KLHL6: variants seen among roughly 807,000 people sequenced by gnomAD.
KLHL6 encodes kelch-like protein 6.
A neutral mutation model predicts 58.6 loss-of-function variants in KLHL6; 41 were observed. That is an observed-to-expected ratio of 0.70 (90% CI 0.55 to 0.91). The LOEUF is 0.91. Ranked by LOEUF, KLHL6 falls within the 40% of genes least tolerant of loss-of-function variation. KLHL6 has a pLI of 0.00. For synonymous variants in KLHL6, 338 were observed against 322.7 expected, an observed-to-expected ratio of 1.05 and a Z score of -0.51; for missense variants, 714 against 805.6, an observed-to-expected ratio of 0.89 and a Z score of 1.38.
intron 3 of KLHL6, among the ~76,000 whole-genome samples, chr3:183,507,309 A>C (rs1423880327): frequency 6.6e-6 from 1 of 152,228 alleles, no homozygotes; most frequent in Non-Finnish European, 1.5e-5. Context: ...TCTAAATCAA[A>C]GTGATGTCAG....
intron 4 of KLHL6, among the ~76,000 whole-genome samples, chr3:183,495,414 GT>G (rs1717687974): frequency 6.6e-6 from 1 of 151,954 alleles, no homozygotes; most frequent in South Asian, 2.1e-4. Context: ...TGAATCTTTT[GT>G]TCATATAGTT....
intron 4 of KLHL6, among the ~76,000 whole-genome samples, chr3:183,497,722 CT>C (rs1717753965): frequency 6.6e-6 from 1 of 152,202 alleles, no homozygotes; most frequent in Non-Finnish European, 1.5e-5. Flanking sequence ...TGGCAGGCCC[CT>C]AGGCCCCTGA....
intron 1 of KLHL6, among the ~76,000 whole-genome samples, chr3:183,534,132 G>GTACTTTACTTTTAAAGTACTTTA (rs748791340): frequency 6.2e-5 from 1 of 16,064 alleles, no homozygotes; most frequent in South Asian, 2.3e-3. Flanking sequence ...AAAGTACTTT[G>GTACTTTACTTTTAAAGTACTTTA]TACTTTTAAA....
At chr3:183,511,413 C>T (rs1440011372) in intron 2 of KLHL6, among the ~76,000 whole-genome samples, 1 of 152,154 alleles carries the variant, frequency 6.6e-6, no homozygotes, top group Non-Finnish European at 1.5e-5. Flanking sequence ...CATTCAGTTC[C>T]CAGGGGCAGG....
chr3:183,535,410 A>G (rs1407500083), intron 1 of KLHL6, among the ~76,000 whole-genome samples: 1 of 152,216 alleles, frequency 6.6e-6, no homozygotes, highest in Non-Finnish European at 1.5e-5. Context: ...CAGGAGGCAA[A>G]GCAAATTTCA....
In KLHL6 at chr3:183,508,292, C is replaced by T; in HGVS notation, c.676G>A (p.Asp226Asn). The change falls in exon 3 of 7, where the codon GAC becomes AAC. Residue 226 changes from aspartate (D) to asparagine (N), a missense_variant. Physicochemically the swap from Asp to Asn is conservative, Grantham distance 23 (BLOSUM62 1). Coordinates refer to ENST00000341319, the MANE Select transcript of KLHL6 (RefSeq NM_130446.4). ...DTLHHILKSD[D>N]LYVTEEAQVF... is the part of the protein sequence containing the mutation. ...TGAGCCTCCTCGGTCACGTAAAGGT[C>T]ATCACTCTTCAAGATGTGGTGCAGA... is the stretch of plus-strand genomic sequence containing the variant. 1.2e-6 allele frequency: 2 copies of T among 1,614,234 alleles called. No homozygotes were observed. The highest frequency in any genetic ancestry group is 1.7e-6 in the Non-Finnish European group (2 of 1,180,046).
Position 183,491,552 on chromosome 3 carries a change from G to A in KLHL6, c.*375C>T, listed in dbSNP as rs1473673786. 1 of 189,194 alleles carries A rather than the reference G, an allele frequency of 5.3e-6. No homozygotes were observed. The highest frequency in any genetic ancestry group is 1.1e-5 in the Non-Finnish European group (1 of 93,032). The allele number at this position is 189,194 out of a possible 1,614,324, so 11.7% of individuals were successfully genotyped here. ...AGCTACTTGCTATCTGAGTGATCAG[G>A]GGCACGCCACTTAGCCTCTGTGAAA... On this transcript the variant is annotated 3_prime_UTR_variant, in exon 7 of 7. Transcript: ENST00000341319.
At position 183,528,019 on chromosome 3, in the gene KLHL6, G is replaced by A. The variant is rs771422353; in HGVS notation, c.294-9C>T. On this transcript the variant is annotated splice_polypyrimidine_tract_variant and intron_variant, in intron 1 of 6. Transcript: ENST00000341319. ...CGTTGCAGAACATGGCCCTGGAAGA[G>A]AAATGTGTGAATGTGAATCGTGCCG... is the stretch of plus-strand genomic sequence containing the variant. The A allele has an allele frequency of 1.9e-6, 3 of 1,614,028 alleles. No homozygotes were observed. The highest frequency in any genetic ancestry group is 1.7e-5 in the Admixed American group (1 of 60,000).
chr3:183,493,210 G>A (rs186241338), intron 5 of KLHL6: 83 of 172,412 alleles, frequency 4.8e-4, no homozygotes, highest in Middle Eastern at 2.7e-3. Flanking sequence ...TAAGTCAGAC[G>A]TGTGCTTCTA....
At chr3:183,526,864 T>C (rs969197871) in intron 2 of KLHL6, among the ~76,000 whole-genome samples, 5 of 152,124 alleles carry the variant, frequency 3.3e-5, no homozygotes, top group Non-Finnish European at 5.9e-5. Flanking sequence ...TTTGGGAGGC[T>C]GAGGCAGATG....
chr3:183,554,439 A>C (rs1457795315), intron 1 of KLHL6, among the ~76,000 whole-genome samples: 2 of 152,236 alleles, frequency 1.3e-5, no homozygotes, highest in African/African-American at 4.8e-5. Context: ...ATGATGAAAC[A>C]GACATTCAGA....
intron 2 of KLHL6, among the ~76,000 whole-genome samples, chr3:183,524,995 G>T (rs1488906297): frequency 6.6e-6 from 1 of 152,170 alleles, no homozygotes; most frequent in Non-Finnish European, 1.5e-5. Flanking sequence ...GCTGGGCATG[G>T]TGGTTCACAC....
intron 1 of KLHL6, among the ~76,000 whole-genome samples, chr3:183,545,164 A>G (rs548776059): frequency 1.7e-4 from 26 of 152,266 alleles, no homozygotes; most frequent in African/African-American, 6.3e-4. Flanking sequence ...CTATGATTTG[A>G]TAATGTGACC....
At chr3:183,518,217 A>G (rs1456087161) in intron 2 of KLHL6, among the ~76,000 whole-genome samples, 1 of 152,146 alleles carries the variant, frequency 6.6e-6, no homozygotes, top group Non-Finnish European at 1.5e-5. Flanking sequence ...TTCCACCCAT[A>G]GCTCCACCAC....
chr3:183,496,501 G>A (rs1417804359), intron 4 of KLHL6, among the ~76,000 whole-genome samples: 1 of 152,068 alleles, frequency 6.6e-6, no homozygotes, highest in Non-Finnish European at 1.5e-5. Flanking sequence ...GCACAAGTAT[G>A]AAAAAATATG....
chr3:183,503,906 T>C (rs978882106), intron 3 of KLHL6, among the ~76,000 whole-genome samples: 2 of 152,212 alleles, frequency 1.3e-5, no homozygotes, highest in Non-Finnish European at 2.9e-5. Context: ...CTCACACTAC[T>C]GTCATCAGGA....
At chr3:183,542,350 G>A (rs577957844) in intron 1 of KLHL6, among the ~76,000 whole-genome samples, 68 of 152,136 alleles carry the variant, frequency 4.5e-4, no homozygotes, top group African/African-American at 1.4e-3. Flanking sequence ...ACCTTTCCCG[G>A]TCTGACCATG....
intron 1 of KLHL6, among the ~76,000 whole-genome samples, chr3:183,529,344 T>C (rs985526815): frequency 3.9e-5 from 6 of 151,996 alleles, no homozygotes; most frequent in African/African-American, 7.3e-5. Context: ...TTTTACCCCA[T>C]GCCAGGCCCC....
In KLHL6 at chr3:183,499,828, C is replaced by G; in HGVS notation, c.910-1G>C. The stretch of plus-strand genomic sequence containing the variant: ...TGGGCTTGGTGCGTTCCGAAATGAT[C>G]TGGAAATCGATGGGGGTACATGAAG... On this transcript the variant is annotated splice_acceptor_variant, in intron 3 of 6. Transcript: ENST00000341319. LOFTEE classifies it high-confidence loss of function. This position sits in a 1 kb window ranked among gnomAD's most constrained non-coding sequence, Gnocchi z 4.6. 6.4e-7 allele frequency: 1 copy of G among 1,567,618 alleles called. No individual in the cohort carries two copies. The highest frequency in any genetic ancestry group is 8.7e-7 in the Non-Finnish European group (1 of 1,154,646).
Sources: allele counts gnomAD v4.1 joint callset (sites outside exome capture counted in the v4.1 genomes callset), GRCh38; gene constraint gnomAD v4.1.1; non-coding constraint Gnocchi (gnomAD v3.1); transcripts MANE v1.5; gene names NCBI Gene and HGNC (gene_info 2026-07-23, HGNC 2026-07-21).